Variants in ARMC9 observed in about 807,000 individuals in gnomAD.
The protein encoded by ARMC9 is armadillo repeat containing 9.
In ARMC9, 94 loss-of-function variants were observed where a neutral mutation model predicts 107.0. The observed-to-expected ratio is 0.88, with a 90% confidence interval of 0.74 to 1.04. The LOEUF (loss-of-function observed/expected upper bound fraction) is 1.04, where lower values mean the gene tolerates loss of function less well. Among genes scored for constraint, ARMC9 ranks in the 50% least tolerant of loss-of-function variants. The pLI is 0.00. For missense variants in ARMC9, 942 were observed against 1,030.1 expected, an observed-to-expected ratio of 0.91 and a Z score of 1.17; for synonymous variants, 380 against 396.9, an observed-to-expected ratio of 0.96 and a Z score of 0.51.
At chr2:231,349,405 G>C (rs1028974870) in intron 21 of ARMC9, among the ~76,000 whole-genome samples, 4 of 151,848 alleles carry the variant, frequency 2.6e-5, no homozygotes, top group Non-Finnish European at 5.9e-5. Flanking sequence ...AGAGTAGAAG[G>C]ATGGTTACTA....
In ARMC9 at chr2:231,265,882, C is replaced by T. The variant is rs978493553; in HGVS notation, c.1119+3484C>T. ...AATTAGCCATGTATGGTGGTGTGCA[C>T]CTGTAATCCCAGCTACTTGGGAAGC... On this transcript the variant is annotated intron_variant, in intron 12 of 24. Coordinates refer to ENST00000611582, the MANE Select transcript of ARMC9 (RefSeq NM_001352754.2). Among the ~76,000 whole-genome samples the T allele has an allele frequency of 7.3e-5, 11 of 151,688 alleles. 1 individual carries two copies. Among genetic ancestry groups the T allele is most frequent in the Admixed American group, 7.2e-4 (11 of 15,236 alleles).
intron 9 of ARMC9, among the ~76,000 whole-genome samples, chr2:231,240,437 T>C (rs2125372798): frequency 6.6e-6 from 1 of 152,186 alleles, no homozygotes; most frequent in East Asian, 1.9e-4. Context: ...ACTGCAAAAG[T>C]AGCACAAAGG....
At chr2:231,231,694 ATTTTT>A (rs56732024) in intron 7 of ARMC9, among the ~76,000 whole-genome samples, 2 of 144,456 alleles carry the variant, frequency 1.4e-5, no homozygotes, top group Non-Finnish European at 3.0e-5. Context: ...TGAAAAAAAA[ATTTTT>A]TTTTTTTGAG....
intron 19 of ARMC9, among the ~76,000 whole-genome samples, chr2:231,305,840 AAAAC>A (rs1465304324): frequency 1.3e-5 from 2 of 151,510 alleles, no homozygotes; most frequent in African/African-American, 2.5e-5. Context: ...AAAGTGATAA[AAAAC>A]AAATGTTCAA....
chr2:231,352,933 G>C (rs1322568113), intron 21 of ARMC9, among the ~76,000 whole-genome samples: 1 of 133,442 alleles, frequency 7.5e-6, no homozygotes, highest in Non-Finnish European at 1.5e-5. Context: ...CGGGCGCCAT[G>C]GCTCACGCCT....
intron 20 of ARMC9, 36 bp from the exon 21 acceptor site, chr2:231,344,939 A>G (rs752593631): frequency 6.8e-6 from 11 of 1,608,304 alleles, no homozygotes; most frequent in Non-Finnish European, 8.5e-6. Flanking sequence ...TCTAATAGAT[A>G]TTTCTCCAGC....
At chr2:231,213,883 G>A (rs1404355648) in intron 3 of ARMC9, among the ~76,000 whole-genome samples, 4 of 152,204 alleles carry the variant, frequency 2.6e-5, no homozygotes, top group Non-Finnish European at 4.4e-5. Flanking sequence ...CAGAAACGCT[G>A]TTGCAGTTGA....
chr2:231,275,936 A>T (rs1252389891), intron 14 of ARMC9, among the ~76,000 whole-genome samples: 1 of 152,206 alleles, frequency 6.6e-6, no homozygotes, highest in Non-Finnish European at 1.5e-5. Context: ...CTGGGCAATA[A>T]GAGCAAAACT....
chr2:231,366,816 G>A (rs1047308215), intron 23 of ARMC9, among the ~76,000 whole-genome samples: 1 of 150,568 alleles, frequency 6.6e-6, no homozygotes, highest in Admixed American at 6.6e-5. Context: ...ACTCCAGCCT[G>A]GTGATAGAGC....
chr2:231,254,481 C>A (rs978166042), intron 9 of ARMC9, among the ~76,000 whole-genome samples: 1 of 151,946 alleles, frequency 6.6e-6, no homozygotes, highest in African/African-American at 2.4e-5. Flanking sequence ...AAATCACATA[C>A]CCTTTGATCT....
At chr2:231,211,855 T>A (rs2032909823) in intron 3 of ARMC9, among the ~76,000 whole-genome samples, 1 of 152,182 alleles carries the variant, frequency 6.6e-6, no homozygotes, top group Non-Finnish European at 1.5e-5. Flanking sequence ...CTCTGATGTC[T>A]TCAGGTCTAT....
intron 12 of ARMC9, 77 bp downstream of exon 12, chr2:231,262,475 A>G (rs1574852177): frequency 1.5e-6 from 2 of 1,336,620 alleles, no homozygotes; most frequent in East Asian, 4.6e-5. Flanking sequence ...GGGGAAGCTT[A>G]TAATTTCTCT....
rs1559504973 is a variant in ARMC9, at chr2:231,360,891, G to A, written c.2261+8G>A. 6.6e-7 allele frequency: 1 copy of A among 1,521,268 alleles called. No homozygotes were observed. The highest frequency in any genetic ancestry group is 8.8e-7 in the Non-Finnish European group (1 of 1,140,142). The allele number at this position is 1,521,268 out of a possible 1,614,324, so 94.2% of individuals were successfully genotyped here. The stretch of plus-strand genomic sequence containing the variant: ...CAATGGAGTGACCACCAGGTAAGGG[G>A]GATATCACAAGGCCTCGAACCTGAC... On this transcript the variant is annotated splice_region_variant and intron_variant, in intron 23 of 24. Transcript: ENST00000611582. This position sits in a 1 kb window ranked among gnomAD's most constrained non-coding sequence, Gnocchi z 4.7.
chr2:231,355,249 G>A (rs935495659), intron 21 of ARMC9, among the ~76,000 whole-genome samples: 5 of 150,330 alleles, frequency 3.3e-5, no homozygotes, highest in African/African-American at 1.3e-4. Flanking sequence ...TGAGATGGGA[G>A]GATCACTTGA....
chr2:231,307,170 G>A lies in ARMC9; in HGVS notation c.1773+10917G>A, dbSNP rs147577267. Among the ~76,000 whole-genome samples the A allele has an allele frequency of 3.3e-3, 504 of 152,328 alleles. 2 individuals are homozygous for A. Among genetic ancestry groups the A allele is most frequent in the African/African-American group, 0.011 (459 of 41,572 alleles). ...CTCACAGTGCCCCAGGGGCAGGGGCGTGCCACACCACAGGGAGTCACACAA... is the reference window on the plus strand; with the variant it reads ...CTCACAGTGCCCCAGGGGCAGGGGCATGCCACACCACAGGGAGTCACACAA... On this transcript the variant is annotated intron_variant, in intron 19 of 24. Transcript: ENST00000611582.
intron 20 of ARMC9, among the ~76,000 whole-genome samples, chr2:231,340,589 A>ATGAT (rs1167032090): frequency 6.6e-6 from 1 of 152,202 alleles, no homozygotes; most frequent in Non-Finnish European, 1.5e-5. Context: ...AATTTTTCCC[A>ATGAT]CTAAATCTAA....
rs562523418 is a variant in ARMC9 at position 231,352,266 on chromosome 2, C to A, written c.1995-3532C>A. ...TGTGAGCCACTATGCCCAGCCCAGC[C>A]ACTAGTACTTTTGGAGCCAGTAATT... On this transcript the variant is annotated intron_variant, in intron 21 of 24. Transcript: ENST00000611582. Among the ~76,000 whole-genome samples the A allele has an allele frequency of 2.6e-5, 4 of 151,380 alleles. No individual in the cohort carries two copies. The East Asian group carries it at 7.8e-4, about 30-fold the overall frequency.
chr2:231,248,806 C>CAAA (rs35234269), intron 9 of ARMC9, among the ~76,000 whole-genome samples: 4 of 38,008 alleles, frequency 1.1e-4, no homozygotes, highest in Non-Finnish European at 1.0e-4. Context: ...GGTTCTGTCT[C>CAAA]AAAAAAAAAA....
chr2:231,242,269 G>T (rs1195744746), intron 9 of ARMC9, among the ~76,000 whole-genome samples: 1 of 151,876 alleles, frequency 6.6e-6, no homozygotes, highest in Non-Finnish European at 1.5e-5. Flanking sequence ...TAGAAGGCAC[G>T]TAGTCATGTG....
Sources: gnomAD v4.1 joint callset for allele counts (sites outside exome capture counted in the v4.1 genomes callset) on GRCh38, gnomAD v4.1.1 for gene constraint, Gnocchi (gnomAD v3.1) non-coding constraint, MANE v1.5 for transcripts, NCBI Gene and HGNC (gene_info 2026-07-23, HGNC 2026-07-21) for gene names.